ADH5: variants seen among roughly 807,000 people sequenced by gnomAD.
ADH5 encodes the protein alcohol dehydrogenase 5 (class III), chi polypeptide.
A neutral mutation model predicts 40.3 loss-of-function variants in ADH5; 32 were observed. That is an observed-to-expected ratio of 0.79 (90% CI 0.60 to 1.07). ADH5 has a LOEUF of 1.07. Ranked by LOEUF, ADH5 falls within the 50% of genes least tolerant of loss-of-function variation. The pLI is 0.00. For synonymous variants in ADH5, 125 were observed against 154.3 expected, an observed-to-expected ratio of 0.81 and a Z score of 1.41; for missense variants, 353 against 460.5, an observed-to-expected ratio of 0.77 and a Z score of 2.14.
intron 4 of ADH5, among the ~76,000 whole-genome samples, chr4:99,081,080 T>C (rs1728017664): frequency 6.6e-6 from 1 of 152,190 alleles, no homozygotes; most frequent in South Asian, 2.1e-4. Context: ...TAAAACACGT[T>C]GTTCCTTGAA....
At chr4:99,076,190 TAA>T in intron 6 of ADH5, 100 bp downstream of exon 6, 1 of 1,249,234 alleles carries the variant, frequency 8.0e-7, no homozygotes, top group South Asian at 1.5e-5. Flanking sequence ...AAATTCTTAT[TAA>T]GAGACTTTTC....
chr4:99,085,495 A>G, intron 1 of ADH5: 1 of 294,044 alleles, frequency 3.4e-6, no homozygotes, highest in Non-Finnish European at 6.5e-6. Flanking sequence ...CATATGCAAA[A>G]GCAGGTTAAG....
chr4:99,075,085 C>T (rs374579100), intron 6 of ADH5, 36 bp from the exon 7 acceptor site: 2 of 1,490,900 alleles, frequency 1.3e-6, no homozygotes, highest in Non-Finnish European at 1.8e-6. Flanking sequence ...TCACAGAAGT[C>T]AGTGCATTTT....
rs769464552 is a variant in ADH5, at chr4:99,076,907, C to A, written c.361G>T (p.Gly121Ter). ...CTGCTGGTACCATCTGGCATTAATC[C>A]TTTCCCTTGAGTGACTCTAAAGAAA... ...CQKIRVTQGKGLMPDGTSRFT... is the reference protein window; with the variant it reads ...CQKIRVTQGK The change falls in exon 5 of 9, where the codon GGA becomes TGA. Residue 121 changes from glycine (G) to a stop codon, truncating the protein, a stop_gained. Transcript: ENST00000296412. LOFTEE classifies it high-confidence loss of function. 91 of 1,612,886 alleles carry A rather than the reference C, an allele frequency of 5.6e-5. No individual in the cohort carries two copies. Among genetic ancestry groups the A allele is most frequent in the Non-Finnish European group, 7.6e-5 (90 of 1,179,504 alleles).
intron 7 of ADH5, among the ~76,000 whole-genome samples, chr4:99,074,022 T>C (rs1727878287): frequency 6.6e-6 from 1 of 152,232 alleles, no homozygotes; most frequent in South Asian, 2.1e-4. Context: ...GCAAATTCTG[T>C]AGTTATAAAG....
intron 2 of ADH5, among the ~76,000 whole-genome samples, chr4:99,082,942 C>T (rs1364184966): frequency 6.6e-6 from 1 of 152,216 alleles, no homozygotes; most frequent in African/African-American, 2.4e-5. Context: ...TCCCAAAGTG[C>T]TGGGATTATA....
chr4:99,082,101 C>A lies in ADH5; in HGVS notation c.130G>T (p.Val44Phe). 3.1e-6 allele frequency: 5 copies of A among 1,613,872 alleles called. No individual in the cohort carries two copies. Among genetic ancestry groups the A allele is most frequent in the Non-Finnish European group, 4.2e-6 (5 of 1,179,822 alleles). ...AGGGTATAGGCATCGGTGTGGCAAA[C>A]CGCAGTGGCAATGATCTATCAGGAC... ...EVRIKIIATA[V>F]CHTDAYTLSG... is the part of the protein sequence containing the mutation. Residue 44 changes from valine to phenylalanine, a missense_variant, in exon 3 of 9, where the codon GTT (valine) becomes TTT (phenylalanine). Physicochemically the swap from Val to Phe is conservative, Grantham distance 50 (BLOSUM62 -1). Coordinates refer to ENST00000296412, the MANE Select transcript of ADH5 (RefSeq NM_000671.4).
Position 99,072,302 on chromosome 4 carries a change from T to C in ADH5, c.*115A>G, listed in dbSNP as rs1727848866. The C allele has an allele frequency of 1.1e-6, 1 of 898,454 alleles. No individual in the cohort carries two copies. The highest frequency in any genetic ancestry group is 1.7e-5 in the African/African-American group (1 of 59,680). The allele number at this position is 898,454 out of a possible 1,614,324, so 55.7% of individuals were successfully genotyped here. The stretch of plus-strand genomic sequence containing the variant: ...TCATGAATGACACACATAACCCTAT[T>C]TTCTGGAGTAGCTGTGAAGCTCTAC... On this transcript the variant is annotated 3_prime_UTR_variant, in exon 9 of 9. Coordinates refer to ENST00000296412, the MANE Select transcript of ADH5 (RefSeq NM_000671.4).
intron 7 of ADH5, among the ~76,000 whole-genome samples, chr4:99,073,335 C>T (rs1271559034): frequency 2.6e-5 from 4 of 152,254 alleles, no homozygotes; most frequent in East Asian, 1.9e-4. Flanking sequence ...CCTGCCACCA[C>T]GCCCAGCTAA....
chr4:99,081,481 T>C, intron 3 of ADH5, 29 bp from the exon 4 acceptor site: 1 of 1,454,636 alleles, frequency 6.9e-7, no homozygotes, highest in South Asian at 1.2e-5. Context: ...ACATCCTGAA[T>C]AGGTAGTATC....
At chr4:99,077,650 A>G (rs191397121) in intron 4 of ADH5, among the ~76,000 whole-genome samples, 4 of 152,344 alleles carry the variant, frequency 2.6e-5, no homozygotes, top group Non-Finnish European at 4.4e-5. Flanking sequence ...ATCTTTCAGG[A>G]GGCATTTTTC....
intron 4 of ADH5, among the ~76,000 whole-genome samples, chr4:99,078,431 G>A (rs921104578): frequency 2.6e-5 from 4 of 152,094 alleles, no homozygotes; most frequent in Non-Finnish European, 4.4e-5. Context: ...TTGACACAGG[G>A]TTTTACTCGG....
intron 4 of ADH5, among the ~76,000 whole-genome samples, chr4:99,077,367 A>G (rs28730622): frequency 3.9e-4 from 59 of 152,272 alleles, no homozygotes; most frequent in African/African-American, 1.4e-3. Flanking sequence ...TACAAAAAAT[A>G]AAATTAGCCA....
chr4:99,088,525 C>G (rs1728196233), intron 1 of ADH5, among the ~76,000 whole-genome samples, 164 bp downstream of exon 1: 1 of 150,170 alleles, frequency 6.7e-6, no homozygotes, highest in Non-Finnish European at 1.5e-5. Flanking sequence ...AAGCTTCCTT[C>G]TCTTTCTGCC....
intron 1 of ADH5, among the ~76,000 whole-genome samples, chr4:99,088,073 C>T (rs1728182469): frequency 6.6e-6 from 1 of 152,160 alleles, no homozygotes; most frequent in African/African-American, 2.4e-5. Flanking sequence ...CACAACCAAC[C>T]TCAAACCTCA....
chr4:99,085,935 G>C (rs1728126105), intron 1 of ADH5, among the ~76,000 whole-genome samples: 1 of 152,174 alleles, frequency 6.6e-6, no homozygotes, highest in African/African-American at 2.4e-5. Context: ...TACTCAGGAG[G>C]CTGAGGCAGG....
At chr4:99,080,266 T>C (rs1429044996) in intron 4 of ADH5, among the ~76,000 whole-genome samples, 2 of 152,320 alleles carry the variant, frequency 1.3e-5, no homozygotes, top group East Asian at 1.9e-4. Flanking sequence ...AAGCAGAGAT[T>C]TGTTCAATGA....
chr4:99,081,214 C>A, intron 4 of ADH5, 151 bp downstream of exon 4: 1 of 555,218 alleles, frequency 1.8e-6, no homozygotes, highest in Non-Finnish European at 3.3e-6. Context: ...TAGCTTGACT[C>A]TTTGTTCGGG....
intron 1 of ADH5, among the ~76,000 whole-genome samples, chr4:99,087,456 G>C (rs1037025961): frequency 6.6e-6 from 1 of 151,790 alleles, no homozygotes; most frequent in Non-Finnish European, 1.5e-5. Context: ...GGAAATGATC[G>C]TTTTTAAAAT....
Sources: allele counts gnomAD v4.1 joint callset (sites outside exome capture counted in the v4.1 genomes callset), GRCh38; gene constraint gnomAD v4.1.1; transcripts MANE v1.5; gene names NCBI Gene and HGNC (gene_info 2026-07-23, HGNC 2026-07-21).